Variants in DLGAP4 observed in about 807,000 individuals in gnomAD.
The protein encoded by DLGAP4 is DLG associated protein 4.
A neutral mutation model predicts 86.9 loss-of-function variants in DLGAP4; 18 were observed. The ratio of observed to expected loss-of-function variants is 0.21; its 90% CI spans 0.14 to 0.31. The LOEUF is 0.31. Among genes scored for constraint, DLGAP4 ranks in the 10% least tolerant of loss-of-function variants. DLGAP4 has a pLI of 1.00. For missense variants in DLGAP4, 1,085 were observed against 1,362.6 expected (o/e 0.80, Z 3.21); for synonymous variants, 548 against 574.3 (o/e 0.95, Z 0.65).
chr20:36,320,031 T>C (rs1258151789), intron 1 of DLGAP4, among the ~76,000 whole-genome samples: 4 of 110,682 alleles, frequency 3.6e-5, no homozygotes, highest in African/African-American at 7.2e-5. Context: ...TGTCCCCCTC[T>C]CCCAGGCCTC....
intron 1 of DLGAP4, among the ~76,000 whole-genome samples, chr20:36,325,785 C>T (rs1208680727): frequency 2.0e-5 from 3 of 151,016 alleles, no homozygotes; most frequent in Non-Finnish European, 2.9e-5. Context: ...GGCACGATCT[C>T]GGCTCACTGC....
intron 2 of DLGAP4, among the ~76,000 whole-genome samples, chr20:36,410,010 G>A (rs1187398755): frequency 6.6e-6 from 1 of 150,956 alleles, no homozygotes; most frequent in Non-Finnish European, 1.5e-5. Context: ...CTCCAGCCTG[G>A]GCGACAGAGT....
intron 2 of DLGAP4, among the ~76,000 whole-genome samples, chr20:36,401,184 T>C (rs1022190129): frequency 2.6e-5 from 4 of 152,070 alleles, no homozygotes; most frequent in Non-Finnish European, 4.4e-5. Flanking sequence ...CCTGAGAAAA[T>C]GATATGCCTG....
At chr20:36,329,431 G>A (rs2065246492) in intron 1 of DLGAP4, among the ~76,000 whole-genome samples, 2 of 152,202 alleles carry the variant, frequency 1.3e-5, no homozygotes, top group African/African-American at 4.8e-5. Flanking sequence ...GTTGTAGTGA[G>A]GTTAACTGAA....
chr20:36,363,270 G>A (rs538236865), intron 1 of DLGAP4, among the ~76,000 whole-genome samples: 1 of 152,326 alleles, frequency 6.6e-6, no homozygotes, highest in African/African-American at 2.4e-5. Context: ...GTGGTGCAGG[G>A]CTGCCTGTGG....
chr20:36,378,827 T>C (rs2031260499), intron 2 of DLGAP4, among the ~76,000 whole-genome samples: 1 of 151,876 alleles, frequency 6.6e-6, no homozygotes, highest in Non-Finnish European at 1.5e-5. Context: ...GCTGGAGTAA[T>C]TCTATTTGGC....
At chr20:36,384,833 T>C (rs1486726774) in intron 2 of DLGAP4, among the ~76,000 whole-genome samples, 1 of 152,146 alleles carries the variant, frequency 6.6e-6, no homozygotes, top group Non-Finnish European at 1.5e-5. Context: ...AAAGTGCCCA[T>C]TTACTGTGTA....
chr20:36,454,434 C>T (rs995271431), intron 7 of DLGAP4, among the ~76,000 whole-genome samples: 4 of 152,078 alleles, frequency 2.6e-5, no homozygotes, highest in Admixed American at 2.6e-4. Context: ...TGGCTCCCCC[C>T]GATATGTAGC....
intron 7 of DLGAP4, among the ~76,000 whole-genome samples, chr20:36,485,890 T>C (rs1045040665): frequency 1.3e-5 from 2 of 152,200 alleles, no homozygotes; most frequent in African/African-American, 4.8e-5. Flanking sequence ...TTTCCATTGC[T>C]CCGTGCCGAG....
At chr20:36,327,915 G>A (rs1217440316) in intron 1 of DLGAP4, among the ~76,000 whole-genome samples, 1 of 149,024 alleles carries the variant, frequency 6.7e-6, no homozygotes, top group Non-Finnish European at 1.5e-5. Flanking sequence ...AAATTCTAAG[G>A]TTGCCAGGCA....
Position 36,519,728 on chromosome 20 carries a change from A to G in DLGAP4, c.2513-4522A>G, listed in dbSNP as rs538142574. 7.3e-4 allele frequency among the ~76,000 whole-genome samples: 111 copies of G among 152,260 alleles called. 2 individuals carry two copies. In the South Asian group the frequency reaches 0.022, roughly 31 times the overall value. On this transcript the variant is annotated intron_variant, in intron 10 of 12. Coordinates refer to ENST00000339266, the MANE Select transcript of DLGAP4 (RefSeq NM_001365621.2). ...CCTACCAGTAATGCACAGGGTTCCA[A>G]TCTCTCCACATCTTTGCAACACTTG...
At chr20:36,524,400 C>T (rs1426820471) in intron 11 of DLGAP4, 59 bp downstream of exon 11, 3 of 1,445,858 alleles carry the variant, frequency 2.1e-6, no homozygotes, top group Non-Finnish European at 2.9e-6. Context: ...GCCCACTATA[C>T]TCTGCCAGCC....
In DLGAP4 at chr20:36,377,495, G is replaced by A. The variant is rs117703284; in HGVS notation, c.-73+10220G>A. Among the ~76,000 whole-genome samples, 54 of 152,324 alleles carry A rather than the reference G, an allele frequency of 3.5e-4. No individual in the cohort carries two copies. The East Asian group carries it at 6.4e-3, about 18-fold the overall frequency. On this transcript the variant is annotated intron_variant, in intron 2 of 12. Coordinates refer to ENST00000339266, the MANE Select transcript of DLGAP4 (RefSeq NM_001365621.2). ...AACCCAGATTTGGCGCATAGCAAGC[G>A]CTCGGTGAATGGTGGCTATTATTAC...
intron 2 of DLGAP4, among the ~76,000 whole-genome samples, chr20:36,389,732 T>C (rs1241819769): frequency 6.6e-6 from 1 of 152,206 alleles, no homozygotes; most frequent in Non-Finnish European, 1.5e-5. Context: ...AGGTAGGCTA[T>C]AAATTTGCCT....
chr20:36,501,639 G>C (rs745605506), intron 10 of DLGAP4, among the ~76,000 whole-genome samples: 8 of 152,104 alleles, frequency 5.3e-5, no homozygotes, highest in Non-Finnish European at 1.2e-4. Context: ...TTCACCTGTG[G>C]CTCTGGTTCC....
intron 1 of DLGAP4, among the ~76,000 whole-genome samples, chr20:36,309,002 C>G (rs562053903): frequency 6.6e-6 from 1 of 152,042 alleles, no homozygotes; most frequent in South Asian, 2.1e-4. Flanking sequence ...GCTCCCCACC[C>G]CCTCCCTCTT....
intron 2 of DLGAP4, among the ~76,000 whole-genome samples, chr20:36,376,861 T>C (rs1023834542): frequency 1.3e-5 from 2 of 152,022 alleles, no homozygotes; most frequent in South Asian, 2.1e-4. Flanking sequence ...CCAGGTGTTG[T>C]GGGGAAGGTG....
intron 1 of DLGAP4, among the ~76,000 whole-genome samples, chr20:36,322,588 A>G (rs1243480641): frequency 6.6e-6 from 1 of 152,188 alleles, no homozygotes; most frequent in Non-Finnish European, 1.5e-5. Flanking sequence ...AGCACGTGGC[A>G]CACAGCAAGT....
chr20:36,339,489 G>A (rs751317327), intron 1 of DLGAP4, among the ~76,000 whole-genome samples: 1 of 152,226 alleles, frequency 6.6e-6, no homozygotes, highest in Non-Finnish European at 1.5e-5. Context: ...CTGGGCTCAA[G>A]TGATCCTCCC....
Sources: allele counts gnomAD v4.1 joint callset (sites outside exome capture counted in the v4.1 genomes callset), GRCh38; gene constraint gnomAD v4.1.1; transcripts MANE v1.5; gene names NCBI Gene and HGNC (gene_info 2026-07-23, HGNC 2026-07-21).